Variants in RAPGEF2 observed in about 807,000 individuals in gnomAD.
RAPGEF2 encodes the protein PDZ domain containing guanine nucleotide exchange factor (GEF) 1.
A neutral mutation model predicts 186.7 loss-of-function variants in RAPGEF2; 54 were observed. The ratio of observed to expected loss-of-function variants is 0.29; its 90% confidence interval spans 0.23 to 0.36. The LOEUF is 0.36. Ranked by LOEUF, RAPGEF2 falls within the 10% of genes least tolerant of loss-of-function variation. The probability of loss-of-function intolerance (pLI) is 1.00; values close to 1 mark genes in which losing one functional copy is unlikely to be tolerated. For missense variants in RAPGEF2, 1,532 were observed against 2,045.0 expected, an observed-to-expected ratio of 0.75 and a Z score of 4.84; for synonymous variants, 712 against 705.9, an observed-to-expected ratio of 1.01 and a Z score of -0.14.
intron 7 of RAPGEF2, among the ~76,000 whole-genome samples, chr4:159,251,466 C>T (rs1266154805): frequency 6.6e-6 from 1 of 152,198 alleles, no homozygotes; most frequent in Admixed American, 6.5e-5. Flanking sequence ...CTGTGTCTAG[C>T]TCAGGGTTTG....
chr4:159,317,404 C>T (rs1170649577), intron 9 of RAPGEF2, among the ~76,000 whole-genome samples: 3 of 152,052 alleles, frequency 2.0e-5, no homozygotes, highest in East Asian at 1.9e-4. Context: ...TTAGGGGAGA[C>T]GCGTGATCAG....
chr4:159,137,209 C>T (rs905171633), intron 1 of RAPGEF2, among the ~76,000 whole-genome samples: 2 of 152,144 alleles, frequency 1.3e-5, no homozygotes, highest in African/African-American at 4.8e-5. Flanking sequence ...GCTTAAACAA[C>T]ATAAATTTAT....
chr4:159,141,308 C>T (rs903611503), intron 1 of RAPGEF2, among the ~76,000 whole-genome samples: 1 of 152,144 alleles, frequency 6.6e-6, no homozygotes, highest in Non-Finnish European at 1.5e-5. Flanking sequence ...GTTTCATACA[C>T]ATAGTTCTTG....
intron 29 of RAPGEF2, among the ~76,000 whole-genome samples, chr4:159,357,725 C>T (rs1318275777): frequency 1.3e-5 from 2 of 152,106 alleles, no homozygotes; most frequent in African/African-American, 4.8e-5. Context: ...ATGAAAATTA[C>T]TTAAAATCCT....
chr4:159,340,257 T>G (rs1345687053), intron 19 of RAPGEF2, among the ~76,000 whole-genome samples: 1 of 152,344 alleles, frequency 6.6e-6, no homozygotes, highest in East Asian at 1.9e-4. Flanking sequence ...ACTATAACTT[T>G]CTTATTCCTC....
At chr4:159,183,966 C>T (rs1747291842) in intron 1 of RAPGEF2, among the ~76,000 whole-genome samples, 2 of 152,170 alleles carry the variant, frequency 1.3e-5, no homozygotes, top group Non-Finnish European at 2.9e-5. Flanking sequence ...TGTTCAGTTC[C>T]CACCTGTGAG....
intron 1 of RAPGEF2, among the ~76,000 whole-genome samples, chr4:159,169,746 T>C (rs923449875): frequency 5.3e-5 from 8 of 152,202 alleles, no homozygotes; most frequent in Non-Finnish European, 1.5e-5. Context: ...TTGTCATAAA[T>C]AATAGGATTT....
intron 7 of RAPGEF2, among the ~76,000 whole-genome samples, chr4:159,282,289 A>G (rs543493773): frequency 6.6e-6 from 1 of 152,324 alleles, no homozygotes; most frequent in South Asian, 2.1e-4. Flanking sequence ...AAGATCCTTT[A>G]TTAACTACTC....
At chr4:159,158,093 T>G (rs551501154) in intron 1 of RAPGEF2, among the ~76,000 whole-genome samples, 1 of 152,326 alleles carries the variant, frequency 6.6e-6, no homozygotes, top group East Asian at 1.9e-4. Flanking sequence ...TAATATTTTC[T>G]TCTTAAAGGA....
chr4:159,279,642 A>G (rs1339638760), intron 7 of RAPGEF2, among the ~76,000 whole-genome samples: 6 of 151,142 alleles, frequency 4.0e-5, no homozygotes, highest in Non-Finnish European at 8.9e-5. Context: ...TTGAAGAACT[A>G]CTCTTTAACT....
chr4:159,267,377 T>G, intron 7 of RAPGEF2: 1 of 1,236,384 alleles, frequency 8.1e-7, no homozygotes, highest in Non-Finnish European at 1.1e-6. Context: ...ATTGTGTGTG[T>G]GCATGTGCTG....
chr4:159,344,360 C>A (rs553189965), intron 23 of RAPGEF2, among the ~76,000 whole-genome samples: 1 of 152,016 alleles, frequency 6.6e-6, no homozygotes, highest in South Asian at 2.1e-4. Context: ...TCTCGAAATG[C>A]AGAAAGCTCA....
intron 3 of RAPGEF2, among the ~76,000 whole-genome samples, chr4:159,204,264 G>A (rs1749742643): frequency 6.6e-6 from 1 of 152,228 alleles, no homozygotes; most frequent in African/African-American, 2.4e-5. Context: ...AACAGTGAGT[G>A]AGAAGATTTT....
chr4:159,150,324 G>A (rs1743404494), intron 1 of RAPGEF2, among the ~76,000 whole-genome samples: 2 of 152,184 alleles, frequency 1.3e-5, no homozygotes, highest in South Asian at 4.2e-4. Context: ...CATATTATGT[G>A]TGCTTTTGTT....
At chr4:159,185,124 T>TA (rs1747426790) in intron 1 of RAPGEF2, among the ~76,000 whole-genome samples, 2 of 152,190 alleles carry the variant, frequency 1.3e-5, no homozygotes, top group Non-Finnish European at 2.9e-5. Flanking sequence ...TCAATACTAT[T>TA]ACACACTTAG....
chr4:159,214,133 G>A (rs995130077), intron 4 of RAPGEF2, among the ~76,000 whole-genome samples: 10 of 152,210 alleles, frequency 6.6e-5, no homozygotes, highest in African/African-American at 2.2e-4. Flanking sequence ...AGTGTATGGG[G>A]TGAGAGAGAA....
chr4:159,252,737 A>G (rs1337242679), intron 7 of RAPGEF2, among the ~76,000 whole-genome samples: 1 of 152,222 alleles, frequency 6.6e-6, no homozygotes, highest in Non-Finnish European at 1.5e-5. Flanking sequence ...CTTTCACATC[A>G]GCTAAGAGAG....
At chr4:159,340,439 G>T (rs1561311455) in intron 19 of RAPGEF2, among the ~76,000 whole-genome samples, 2 of 152,038 alleles carry the variant, frequency 1.3e-5, no homozygotes, top group Non-Finnish European at 2.9e-5. Context: ...TTATAGATGG[G>T]TATGTCATGG....
At chr4:159,230,233 G>T (rs187604890) in intron 4 of RAPGEF2, among the ~76,000 whole-genome samples, 23 of 152,100 alleles carry the variant, frequency 1.5e-4, no homozygotes, top group Admixed American at 3.9e-4. Context: ...CTTATCAAAC[G>T]CTGGTGTCTG....
Sources: gnomAD v4.1 joint callset for allele counts (sites outside exome capture counted in the v4.1 genomes callset) on GRCh38, gnomAD v4.1.1 for gene constraint, MANE v1.5 for transcripts, NCBI Gene and HGNC (gene_info 2026-07-23, HGNC 2026-07-21) for gene names.